WDR72: variants seen among roughly 807,000 people sequenced by gnomAD.
The protein encoded by WDR72 is WD repeat domain 72.
In WDR72, 120 loss-of-function variants were observed where a neutral mutation model predicts 124.2. The observed-to-expected ratio is 0.97, with a 90% confidence interval of 0.83 to 1.12. The LOEUF is 1.12. Among genes scored for constraint, WDR72 ranks in the 50% most tolerant of loss-of-function variants. The pLI is 0.00. For synonymous variants in WDR72, 452 were observed against 441.7 expected (o/e 1.02, Z -0.29); for missense variants, 1,387 against 1,278.8 (o/e 1.08, Z -1.29).
intron 14 of WDR72, among the ~76,000 whole-genome samples, chr15:53,639,595 A>C (rs972011376): frequency 1.1e-5 from 1 of 94,296 alleles, no homozygotes; most frequent in African/African-American, 3.2e-5. Context: ...AAATTATATA[A>C]AATAAAAAAA....
intron 13 of WDR72, among the ~76,000 whole-genome samples, chr15:53,695,082 A>C (rs773565197): frequency 3.9e-5 from 6 of 152,218 alleles, no homozygotes; most frequent in Non-Finnish European, 7.3e-5. Context: ...CTACAGAAAA[A>C]AGTGTTTCTG....
intron 1 of WDR72, among the ~76,000 whole-genome samples, chr15:53,744,817 A>G (rs1040430826): frequency 6.6e-6 from 1 of 152,196 alleles, no homozygotes; most frequent in Non-Finnish European, 1.5e-5. Context: ...TATTCTGCTG[A>G]TGAGGAAGTG....
Position 53,732,994 on chromosome 15 carries a change from A to G in WDR72, c.153+3T>C. 6.2e-7 allele frequency: 1 copy of G among 1,614,048 alleles called. No individual in the cohort carries two copies. The highest frequency in any genetic ancestry group is 1.1e-5 in the South Asian group (1 of 91,086). ...TGTTTCAATATCAGTAGCTTTCACT[A>G]ACCTTTAGTTCATGTGAGAGATTCC... On this transcript the variant is annotated splice_donor_region_variant and intron_variant, in intron 2 of 19. Transcript: ENST00000360509.
chr15:53,561,832 A>G (rs1457010279), intron 18 of WDR72, among the ~76,000 whole-genome samples: 1 of 151,828 alleles, frequency 6.6e-6, no homozygotes, highest in Non-Finnish European at 1.5e-5. Flanking sequence ...TCAACCACTG[A>G]TATTTTTTAA....
chr15:53,703,626 G>T (rs1418260016), intron 11 of WDR72, among the ~76,000 whole-genome samples: 1 of 151,896 alleles, frequency 6.6e-6, no homozygotes, highest in Non-Finnish European at 1.5e-5. Context: ...AGGCATATGG[G>T]CATTTCAAAT....
At chr15:53,720,661 T>C (rs957033215) in intron 3 of WDR72, among the ~76,000 whole-genome samples, 3 of 152,194 alleles carry the variant, frequency 2.0e-5, no homozygotes, top group African/African-American at 7.2e-5. Flanking sequence ...ACTGCTGTCA[T>C]TACAGTTGGG....
chr15:53,641,385 A>G (rs916139666), intron 14 of WDR72, among the ~76,000 whole-genome samples: 3 of 151,918 alleles, frequency 2.0e-5, no homozygotes, highest in African/African-American at 7.2e-5. Flanking sequence ...ATGGAGATAA[A>G]TATGTAGACA....
chr15:53,728,373 T>C (rs189275949), intron 2 of WDR72, among the ~76,000 whole-genome samples: 2 of 152,300 alleles, frequency 1.3e-5, no homozygotes, highest in East Asian at 3.9e-4. Context: ...GAGATACAAT[T>C]CAAGATGAAA....
intron 13 of WDR72, among the ~76,000 whole-genome samples, chr15:53,683,068 C>T (rs2016455149): frequency 6.6e-6 from 1 of 151,906 alleles, no homozygotes; most frequent in Non-Finnish European, 1.5e-5. Context: ...CTTTTAAAAC[C>T]ATTAGCTCTT....
At chr15:53,704,923 T>C in intron 11 of WDR72, 65 bp downstream of exon 11, 2 of 1,585,692 alleles carry the variant, frequency 1.3e-6, no homozygotes, top group East Asian at 2.2e-5. Context: ...TCTTGTTTAG[T>C]GCAGTCTGTT....
intron 14 of WDR72, among the ~76,000 whole-genome samples, chr15:53,630,251 T>C (rs1445222430): frequency 6.6e-6 from 1 of 152,216 alleles, no homozygotes; most frequent in East Asian, 1.9e-4. Context: ...CAGGTCCAGA[T>C]GACTCCACTG....
intron 9 of WDR72, among the ~76,000 whole-genome samples, chr15:53,709,395 T>C (rs1416078883): frequency 1.3e-5 from 2 of 152,230 alleles, no homozygotes; most frequent in Non-Finnish European, 2.9e-5. Flanking sequence ...TATAAGCTTA[T>C]GTCTTCACAT....
At position 53,689,747 on chromosome 15, in the gene WDR72, C is replaced by T. The variant is rs2016773561; in HGVS notation, c.1765+10003G>A. The stretch of plus-strand genomic sequence containing the variant: ...ACCCAAAGGACTATGAATCATGCTG[C>T]TACAAAGACACACGCACACGTATGT... On this transcript the variant is annotated intron_variant, in intron 13 of 19. Coordinates refer to ENST00000360509, the MANE Select transcript of WDR72 (RefSeq NM_182758.4). 2.0e-5 allele frequency among the ~76,000 whole-genome samples: 3 copies of T among 152,082 alleles called. No homozygotes were observed. In the South Asian group the frequency reaches 6.2e-4, roughly 32 times the overall value.
At chr15:53,546,840 A>T (rs559391353) in intron 18 of WDR72, among the ~76,000 whole-genome samples, 97 of 152,340 alleles carry the variant, frequency 6.4e-4, no homozygotes, top group Non-Finnish European at 1.1e-3. Context: ...GAAATTTAAG[A>T]AGTCTTAAGC....
rs1249397271 is a variant in WDR72 at position 53,516,444 on chromosome 15, CTTT to C, written c.*1252_*1254del. 6.6e-6 allele frequency: 1 copy of C among 151,880 alleles called. No homozygotes were observed. The highest frequency in any genetic ancestry group is 1.5e-5 in the Non-Finnish European group (1 of 67,922). The allele number at this position is 151,880 out of a possible 1,614,324, so 9.4% of individuals were successfully genotyped here. Reference sequence around the variant, plus strand: ...GCTGGTCCCATGCTCAAAAATGTTTCTTTAATTGAAGTGACTTGAACTTCTCTG... The same window carrying C: ...GCTGGTCCCATGCTCAAAAATGTTTCAATTGAAGTGACTTGAACTTCTCTG... On this transcript the variant is annotated 3_prime_UTR_variant, in exon 20 of 20. Coordinates refer to ENST00000360509, the MANE Select transcript of WDR72 (RefSeq NM_182758.4).
intron 18 of WDR72, among the ~76,000 whole-genome samples, chr15:53,531,485 T>G (rs745507443): frequency 2.2e-4 from 34 of 152,060 alleles, no homozygotes; most frequent in Admixed American, 3.9e-4. Context: ...TCTCAAATCC[T>G]CAAGCTGTCT....
chr15:53,624,475 C>T (rs2014127898), intron 14 of WDR72, among the ~76,000 whole-genome samples: 1 of 152,172 alleles, frequency 6.6e-6, no homozygotes, highest in African/African-American at 2.4e-5. Flanking sequence ...ACTTCTGGGC[C>T]AATCAAAATC....
At chr15:53,648,791 G>A (rs1185433950) in intron 14 of WDR72, among the ~76,000 whole-genome samples, 1 of 151,874 alleles carries the variant, frequency 6.6e-6, no homozygotes, top group Non-Finnish European at 1.5e-5. Flanking sequence ...AAATGTCTCA[G>A]AACATGAGTT....
At chr15:53,650,018 A>G (rs537516395) in intron 14 of WDR72, among the ~76,000 whole-genome samples, 2 of 152,338 alleles carry the variant, frequency 1.3e-5, no homozygotes, top group East Asian at 3.9e-4. Context: ...CATCACAATA[A>G]CCAAGATGTG....
Sources: gnomAD v4.1 joint callset for allele counts (sites outside exome capture counted in the v4.1 genomes callset) on GRCh38, gnomAD v4.1.1 for gene constraint, MANE v1.5 for transcripts, NCBI Gene and HGNC (gene_info 2026-07-23, HGNC 2026-07-21) for gene names.